The following TMEM132D variants were observed in gnomAD, a reference collection of about 807,000 sequenced individuals.
TMEM132D encodes the protein transmembrane protein 132D.
Under a neutral mutation model 62.3 loss-of-function variants are expected in TMEM132D, and 21 were observed. The observed-to-expected ratio is 0.34, with a 90% CI of 0.24 to 0.49. The LOEUF (loss-of-function observed/expected upper bound fraction) is 0.49, where lower values mean the gene tolerates loss of function less well. Among genes scored for constraint, TMEM132D ranks in the 20% least tolerant of loss-of-function variants. The pLI is 0.99. For synonymous variants in TMEM132D, 621 were observed against 575.6 expected (o/e 1.08, Z -1.13); for missense variants, 1,346 against 1,402.8 (o/e 0.96, Z 0.65).
In TMEM132D at chr12:129,737,109, C is replaced by A. The variant is rs118134740; in HGVS notation, c.80-36411G>T. Reference sequence around the variant, plus strand: ...GGGATTACAGGCATGAGCCACCGCACCCAGCCATGATGTGGTTTCTTAACC... The same window carrying A: ...GGGATTACAGGCATGAGCCACCGCAACCAGCCATGATGTGGTTTCTTAACC... On this transcript the variant is annotated intron_variant, in intron 1 of 8. Transcript: ENST00000422113. 1.3e-3 allele frequency among the ~76,000 whole-genome samples: 195 copies of A among 152,294 alleles called. 3 individuals are homozygous for A. The East Asian group carries it at 0.033, about 26-fold the overall frequency.
intron 2 of TMEM132D, among the ~76,000 whole-genome samples, chr12:129,556,618 C>T (rs1004274815): frequency 5.3e-5 from 8 of 152,106 alleles, no homozygotes; most frequent in African/African-American, 1.7e-4. Context: ...TTACTTGGAG[C>T]TTTTTTATAC....
chr12:129,877,663 G>A (rs1874472843), intron 1 of TMEM132D, among the ~76,000 whole-genome samples: 1 of 149,154 alleles, frequency 6.7e-6, no homozygotes, highest in African/African-American at 2.5e-5. Context: ...AGCGCTATAA[G>A]CTGAAGCCCA....
At chr12:129,799,900 G>T (rs552279024) in intron 1 of TMEM132D, among the ~76,000 whole-genome samples, 1 of 152,132 alleles carries the variant, frequency 6.6e-6, no homozygotes, top group Non-Finnish European at 1.5e-5. Flanking sequence ...CTTCTCAGGA[G>T]GCTCTCCCTA....
chr12:129,786,598 A>G (rs949698595), intron 1 of TMEM132D, among the ~76,000 whole-genome samples: 5 of 152,140 alleles, frequency 3.3e-5, no homozygotes, highest in African/African-American at 1.2e-4. Context: ...CATAAGAAAT[A>G]AAGAGAGAGT....
chr12:129,296,998 C>T (rs781151349), intron 4 of TMEM132D, among the ~76,000 whole-genome samples: 4 of 152,318 alleles, frequency 2.6e-5, no homozygotes, highest in East Asian at 3.9e-4. Flanking sequence ...CAGTAGTTTG[C>T]TCTGCAGGGT....
chr12:129,364,141 T>C (rs958621830), intron 3 of TMEM132D, among the ~76,000 whole-genome samples: 7 of 152,192 alleles, frequency 4.6e-5, no homozygotes, highest in Admixed American at 1.3e-4. Context: ...TGAAATGTAG[T>C]GGTTGAGTAA....
Position 129,078,690 on chromosome 12 carries a change from T to C in TMEM132D, c.1959A>G (p.Glu653=), listed in dbSNP as rs759796492. The change falls in exon 8 of 9, where the codon GAA becomes GAG. Residue 653 remains glutamate (E), a synonymous_variant. Coordinates refer to ENST00000422113, the MANE Select transcript of TMEM132D (RefSeq NM_133448.3). ...TCTCGTCCAGCACAGTGATGGTCTT[T>C]TCAGCGAGGATGGTGTCTGACAGAG... ...LSPLSDTILA[E]KTITVLDEKV... 6.2e-6 allele frequency: 10 copies of C among 1,614,106 alleles called. No homozygotes were observed. The highest frequency in any genetic ancestry group is 8.5e-6 in the Non-Finnish European group (10 of 1,180,008).
intron 1 of TMEM132D, among the ~76,000 whole-genome samples, chr12:129,728,698 T>A (rs2137250233): frequency 6.6e-6 from 1 of 152,318 alleles, no homozygotes; most frequent in Non-Finnish European, 1.5e-5. Flanking sequence ...TTCTAATGAT[T>A]AAACCCCAGG....
intron 3 of TMEM132D, among the ~76,000 whole-genome samples, chr12:129,342,235 C>T (rs1284102202): frequency 1.2e-4 from 18 of 151,868 alleles, no homozygotes; most frequent in South Asian, 4.2e-4. Flanking sequence ...GAGATATAGA[C>T]CAATGGAACA....
At chr12:129,710,877 C>T (rs1881624390) in intron 1 of TMEM132D, among the ~76,000 whole-genome samples, 2 of 148,042 alleles carry the variant, frequency 1.4e-5, no homozygotes, top group Admixed American at 6.6e-5. Context: ...CATACCCACG[C>T]GCATTCCCCG....
At chr12:129,460,184 C>A (rs563413985) in intron 3 of TMEM132D, among the ~76,000 whole-genome samples, 74 of 152,298 alleles carry the variant, frequency 4.9e-4, no homozygotes, top group Middle Eastern at 3.4e-3. Flanking sequence ...CCAGTGACCC[C>A]AAATGTTAAC....
intron 4 of TMEM132D, among the ~76,000 whole-genome samples, chr12:129,322,464 G>C (rs1472119604): frequency 6.6e-6 from 1 of 152,036 alleles, no homozygotes; most frequent in East Asian, 1.9e-4. Context: ...TGTGAACCAG[G>C]TAGCAACATG....
intron 2 of TMEM132D, among the ~76,000 whole-genome samples, chr12:129,661,975 CTTGA>C (rs1156339342): frequency 1.3e-5 from 2 of 152,052 alleles, no homozygotes. Context: ...ATGATTAAGC[CTTGA>C]TTATTTAATT....
chr12:129,473,324 GT>G lies in TMEM132D; in HGVS notation c.1115+57734del, dbSNP rs751523415. Reference sequence around the variant, plus strand: ...TGGCAATAAAGTGATTTTAGTTTTTGTTTTTTTTTTTTTTTTTTTTTTGAGA... The same window carrying G: ...TGGCAATAAAGTGATTTTAGTTTTTGTTTTTTTTTTTTTTTTTTTTTGAGA... On this transcript the variant is annotated intron_variant, in intron 3 of 8. Coordinates refer to ENST00000422113, the MANE Select transcript of TMEM132D (RefSeq NM_133448.3). Among the ~76,000 whole-genome samples the G allele has an allele frequency of 4.2e-3, 345 of 81,534 alleles. 1 individual carries two copies. The highest frequency in any genetic ancestry group is 0.015 in the African/African-American group (314 of 20,916). 53.5% of individuals were successfully genotyped at this position (81,534 alleles called of 152,430 possible).
At chr12:129,869,545 T>C (rs545880519) in intron 1 of TMEM132D, among the ~76,000 whole-genome samples, 1 of 152,362 alleles carries the variant, frequency 6.6e-6, no homozygotes, top group African/African-American at 2.4e-5. Context: ...ATTGTTATAT[T>C]GTTATTTTTA....
intron 3 of TMEM132D, among the ~76,000 whole-genome samples, chr12:129,411,633 G>A (rs1485648315): frequency 6.6e-6 from 1 of 152,220 alleles, no homozygotes; most frequent in East Asian, 1.9e-4. Context: ...GGGATTACAG[G>A]TGTAAGCCCC....
intron 4 of TMEM132D, among the ~76,000 whole-genome samples, chr12:129,321,139 T>A (rs1343383304): frequency 6.6e-6 from 1 of 152,234 alleles, no homozygotes; most frequent in Admixed American, 6.5e-5. Context: ...TAAGAGGTAA[T>A]GCATTATTTC....
At chr12:129,568,122 G>A (rs976548193) in intron 2 of TMEM132D, among the ~76,000 whole-genome samples, 11 of 152,208 alleles carry the variant, frequency 7.2e-5, no homozygotes, top group Non-Finnish European at 5.9e-5. Context: ...TGGGTGGCAG[G>A]AACAGTCTGA....
At chr12:129,702,309 TCATA>T (rs1006189187) in intron 1 of TMEM132D, among the ~76,000 whole-genome samples, 2 of 152,162 alleles carry the variant, frequency 1.3e-5, no homozygotes, top group African/African-American at 4.8e-5. Context: ...GGGTTCAACG[TCATA>T]AATATGGATT....
Sources: gnomAD v4.1 joint callset for allele counts (sites outside exome capture counted in the v4.1 genomes callset) on GRCh38, gnomAD v4.1.1 for gene constraint, MANE v1.5 for transcripts, NCBI Gene and HGNC (gene_info 2026-07-23, HGNC 2026-07-21) for gene names.